The following LAMA2 variants were observed in gnomAD, a reference collection of about 807,000 sequenced individuals.
LAMA2 encodes laminin subunit alpha 2, also known as laminin subunit alpha-2.
LAMA2 carries 269 observed loss-of-function variants against 364.8 expected under a neutral mutation model. The ratio of observed to expected loss-of-function variants is 0.74; its 90% confidence interval spans 0.67 to 0.82. LAMA2 has a LOEUF of 0.82. Among genes scored for constraint, LAMA2 ranks in the 40% least tolerant of loss-of-function variants. LAMA2 has a pLI of 0.00. For missense variants in LAMA2, 3,807 were observed against 3,873.2 expected (o/e 0.98, Z 0.45); for synonymous variants, 1,379 against 1,370.6 (o/e 1.01, Z -0.14).
At chr6:129,024,392 T>G (rs1406201783) in intron 1 of LAMA2, among the ~76,000 whole-genome samples, 1 of 72,718 alleles carries the variant, frequency 1.4e-5, no homozygotes, top group Admixed American at 1.1e-4. Flanking sequence ...CTTTTTTTTT[T>G]TTTTTTTTTT....
At chr6:128,964,269 G>T (rs1781711536) in intron 1 of LAMA2, among the ~76,000 whole-genome samples, 1 of 152,052 alleles carries the variant, frequency 6.6e-6, no homozygotes, top group Non-Finnish European at 1.5e-5. Flanking sequence ...CAATGATGTT[G>T]AACTGGCTGT....
At chr6:129,237,896 C>T (rs1477680475) in intron 12 of LAMA2, among the ~76,000 whole-genome samples, 3 of 151,732 alleles carry the variant, frequency 2.0e-5, no homozygotes, top group East Asian at 1.9e-4. Flanking sequence ...TGGTGGCTCA[C>T]GCCTGTAATC....
At chr6:129,241,871 A>G (rs528038761) in intron 12 of LAMA2, among the ~76,000 whole-genome samples, 1 of 152,284 alleles carries the variant, frequency 6.6e-6, no homozygotes, top group African/African-American at 2.4e-5. Flanking sequence ...CTACTGCTGT[A>G]AGAAAGAATC....
intron 4 of LAMA2, among the ~76,000 whole-genome samples, chr6:129,118,661 T>C (rs1776614086): frequency 6.6e-6 from 1 of 152,224 alleles, no homozygotes; most frequent in Non-Finnish European, 1.5e-5. Flanking sequence ...TATAAATCTC[T>C]TCCCAACTAC....
intron 34 of LAMA2, among the ~76,000 whole-genome samples, chr6:129,378,507 C>T (rs1002734422): frequency 3.9e-5 from 6 of 152,112 alleles, no homozygotes; most frequent in African/African-American, 1.4e-4. Context: ...TGTAATGAGA[C>T]ATGATTTTTA....
chr6:129,297,912 A>AGGGT (rs1463098514), intron 21 of LAMA2, 47 bp downstream of exon 21: 20 of 1,515,028 alleles, frequency 1.3e-5, no homozygotes, highest in Non-Finnish European at 1.8e-5. Flanking sequence ...TGATAGTTTT[A>AGGGT]GGGTCTGACT....
chr6:129,078,634 G>A (rs952958336), intron 3 of LAMA2, among the ~76,000 whole-genome samples: 8 of 152,132 alleles, frequency 5.3e-5, no homozygotes, highest in African/African-American at 1.9e-4. Context: ...ATATGGTATG[G>A]CTATTTTTTT....
chr6:129,231,670 C>T (rs937574215), intron 12 of LAMA2, among the ~76,000 whole-genome samples: 1 of 152,188 alleles, frequency 6.6e-6, no homozygotes, highest in East Asian at 1.9e-4. Context: ...TTCCTTTGTC[C>T]TTTAGTTCCT....
At chr6:129,350,894 C>T (rs1344319823) in intron 31 of LAMA2, among the ~76,000 whole-genome samples, 1 of 152,060 alleles carries the variant, frequency 6.6e-6, no homozygotes. Flanking sequence ...ACACAGTATC[C>T]AATATTTGCA....
At chr6:129,107,347 A>G (rs1775890322) in intron 4 of LAMA2, among the ~76,000 whole-genome samples, 1 of 152,136 alleles carries the variant, frequency 6.6e-6, no homozygotes, top group African/African-American at 2.4e-5. Context: ...AGTAGCTAAC[A>G]TTGGCTTAAG....
At chr6:129,051,998 GGTATATATATATATAT>G in intron 2 of LAMA2, among the ~76,000 whole-genome samples, 1 of 13,946 alleles carries the variant, frequency 7.2e-5, no homozygotes, top group South Asian at 1.4e-3. Context: ...TATGTATGCA[GGTATATATATATATAT>G]GTAGAGAGAG....
intron 22 of LAMA2, among the ~76,000 whole-genome samples, chr6:129,305,637 CAG>C (rs1034453954): frequency 1.3e-5 from 2 of 151,594 alleles, no homozygotes. Flanking sequence ...GAGAGAGAGA[CAG>C]AGAGAGAGAG....
At chr6:129,119,442 G>A (rs2114915713) in intron 4 of LAMA2, among the ~76,000 whole-genome samples, 1 of 152,048 alleles carries the variant, frequency 6.6e-6, no homozygotes, top group Non-Finnish European at 1.5e-5. Flanking sequence ...GTACAAGTAT[G>A]TTTATACTCT....
At chr6:129,265,942 A>G (rs541130687) in intron 15 of LAMA2, among the ~76,000 whole-genome samples, 1 of 152,266 alleles carries the variant, frequency 6.6e-6, no homozygotes, top group Non-Finnish European at 1.5e-5. Flanking sequence ...TTTTATTTTC[A>G]GATATAAAGT....
chr6:129,178,705 T>A (rs1489389797), intron 10 of LAMA2, among the ~76,000 whole-genome samples: 1 of 152,262 alleles, frequency 6.6e-6, no homozygotes, highest in Non-Finnish European at 1.5e-5. Flanking sequence ...AAAATATTTT[T>A]ATTAACCTGT....
At chr6:129,263,977 C>T (rs1270566231) in intron 15 of LAMA2, among the ~76,000 whole-genome samples, 4 of 152,130 alleles carry the variant, frequency 2.6e-5, no homozygotes, top group Non-Finnish European at 5.9e-5. Flanking sequence ...CTCCTGAGCT[C>T]AAGCAATCCT....
chr6:129,422,343 G>A (rs1781117816), intron 40 of LAMA2, among the ~76,000 whole-genome samples: 1 of 152,100 alleles, frequency 6.6e-6, no homozygotes, highest in African/African-American at 2.4e-5. Flanking sequence ...AATGCAAGAA[G>A]ATAGAAAATT....
intron 1 of LAMA2, among the ~76,000 whole-genome samples, chr6:128,896,501 T>C (rs1776786370): frequency 6.6e-6 from 1 of 152,080 alleles, no homozygotes; most frequent in Non-Finnish European, 1.5e-5. Flanking sequence ...TAGCTATAGA[T>C]ACACTTTATA....
intron 1 of LAMA2, among the ~76,000 whole-genome samples, chr6:128,975,761 C>T (rs1413983837): frequency 1.3e-5 from 2 of 152,214 alleles, no homozygotes; most frequent in African/African-American, 4.8e-5. Context: ...CGTGACTTTG[C>T]TCTTCAAGTA....
Sources: gnomAD v4.1 joint callset for allele counts (sites outside exome capture counted in the v4.1 genomes callset) on GRCh38, gnomAD v4.1.1 for gene constraint, MANE v1.5 for transcripts, NCBI Gene and HGNC (gene_info 2026-07-23, HGNC 2026-07-21) for gene names.